The following FABP4 variants were observed in gnomAD, a reference collection of about 807,000 sequenced individuals.
FABP4 encodes the protein fatty acid-binding protein, adipocyte.
Under a neutral mutation model 14.6 loss-of-function variants are expected in FABP4, and 17 were observed. The observed-to-expected ratio is 1.16, with a 90% CI of 0.80 to 1.74. FABP4 has a LOEUF of 1.74. Ranked by LOEUF, FABP4 falls within the 40% of genes most tolerant of loss-of-function variation. The pLI is 0.00. For missense variants in FABP4, 149 were observed against 160.3 expected (o/e 0.93, Z 0.38); for synonymous variants, 54 against 54.6 (o/e 0.99, Z 0.05).
In FABP4 at chr8:81,480,520, G is replaced by C; in HGVS notation, c.152C>G (p.Thr51Ser). 1 of 1,613,780 alleles carries C rather than the reference G, an allele frequency of 6.2e-7. No individual in the cohort carries two copies. The highest frequency in any genetic ancestry group is 8.5e-7 in the Non-Finnish European group (1 of 1,179,836). ...MIISVNGDVI[T>S]IKSESTFKNT... is the part of the protein sequence containing the mutation. ...TTTAAAGGTACTTTCAGATTTAATG[G>C]TGATCACATCCCCATTCACACTGAT... Residue 51 changes from threonine to serine, a missense_variant, in exon 2 of 4, where the codon ACC becomes AGC. Coordinates refer to ENST00000256104, the MANE Select transcript of FABP4 (RefSeq NM_001442.3).
chr8:81,480,579 C>G lies in FABP4; in HGVS notation c.93G>C (p.Arg31Ser), dbSNP rs1420741633. 4.3e-6 allele frequency: 7 copies of G among 1,611,636 alleles called. No homozygotes were observed. The highest frequency in any genetic ancestry group is 5.1e-6 in the Non-Finnish European group (6 of 1,178,962). The change falls in exon 2 of 4, where the codon AGG becomes AGC. Residue 31 changes from arginine (R) to serine (S), a missense_variant. Arg to Ser is a moderately radical substitution (Grantham distance 110). Coordinates refer to ENST00000256104, the MANE Select transcript of FABP4 (RefSeq NM_001442.3). Reference sequence around the variant, plus strand: ...TAGGTTTGGCCATGCCAGCCACTTTCCTGGTGGCAAAGCCCACTCCTACAG... The same window carrying G: ...TAGGTTTGGCCATGCCAGCCACTTTGCTGGTGGCAAAGCCCACTCCTACAG... ...MKEVGVGFAT[R>S]KVAGMAKPNM...
chr8:81,481,740 T>A (rs769787690), intron 1 of FABP4, among the ~76,000 whole-genome samples: 3 of 152,184 alleles, frequency 2.0e-5, no homozygotes, highest in African/African-American at 4.8e-5. Flanking sequence ...TAACATTAAA[T>A]GTATGAAGTG....
chr8:81,483,032 G>A, intron 1 of FABP4, 63 bp downstream of exon 1: 2 of 1,385,348 alleles, frequency 1.4e-6, no homozygotes, highest in Non-Finnish European at 2.0e-6. Flanking sequence ...AAACACAGCT[G>A]TAAACTCTTT....
chr8:81,480,607 A>G lies in FABP4; in HGVS notation c.74-9T>C, dbSNP rs1808063979. The stretch of plus-strand genomic sequence containing the variant: ...GGTGGCAAAGCCCACTCCTACAGTT[A>G]GGAAAAGAAAAGATGTCAGATTTAC... On this transcript the variant is annotated splice_polypyrimidine_tract_variant and intron_variant, in intron 1 of 3. Coordinates refer to ENST00000256104, the MANE Select transcript of FABP4 (RefSeq NM_001442.3). 6.3e-7 allele frequency: 1 copy of G among 1,599,308 alleles called. No homozygotes were observed.
Position 81,479,493 on chromosome 8 carries a change from C to A in FABP4, c.269G>T (p.Gly90Val), listed in dbSNP as rs141169989. The A allele has an allele frequency of 1.7e-5, 27 of 1,612,946 alleles. No homozygotes were observed. Among genetic ancestry groups the A allele is most frequent in the Middle Eastern group, 1.6e-4 (1 of 6,078 alleles). The change falls in exon 3 of 4, where the codon GGT becomes GTT. Residue 90 changes from glycine (G) to valine (V), a missense_variant. By Grantham distance (109) the Gly-to-Val change is moderately radical. Coordinates refer to ENST00000256104, the MANE Select transcript of FABP4 (RefSeq NM_001442.3). Reference sequence around the variant, plus strand: ...CCATTTCTGCACATGTACCAGGACACCCCCATCTAAGGTTATGGTGCTCTG... The same window carrying A: ...CCATTTCTGCACATGTACCAGGACAACCCCATCTAAGGTTATGGTGCTCTG... ...KVKSTITLDG[G>V]VLVHVQKWDG...
At chr8:81,479,729 G>GA in intron 2 of FABP4, 1 of 358,704 alleles carries the variant, frequency 2.8e-6, no homozygotes, top group South Asian at 8.5e-5. Flanking sequence ...TACATAATTG[G>GA]AAAAATTACT....
chr8:81,478,989 G>T (rs983876566), intron 3 of FABP4, 74 bp from the exon 4 acceptor site: 179 of 1,274,748 alleles, frequency 1.4e-4, no homozygotes, highest in Middle Eastern at 1.3e-3. Flanking sequence ...TCTGAATGTT[G>T]GGAATAAAAC....
intron 2 of FABP4, 62 bp downstream of exon 2, chr8:81,480,364 T>G (rs1808058439): frequency 6.9e-7 from 1 of 1,450,378 alleles, no homozygotes. Context: ...TAAAATGATT[T>G]CTTATAGCAG....
At chr8:81,481,993 A>AT (rs1204447139) in intron 1 of FABP4, among the ~76,000 whole-genome samples, 1 of 152,102 alleles carries the variant, frequency 6.6e-6, no homozygotes, top group Non-Finnish European at 1.5e-5. Context: ...AAAGTATAAC[A>AT]TTTTTCTAAA....
At chr8:81,479,325 A>T (rs948953283) in intron 3 of FABP4, 89 bp downstream of exon 3, 9 of 1,064,638 alleles carry the variant, frequency 8.5e-6, no homozygotes, top group Non-Finnish European at 1.3e-5. Context: ...TCAGATAATC[A>T]AAAGGAAAAT....
In FABP4 at chr8:81,479,409, C is replaced by T; in HGVS notation, c.348+5G>A. 2 of 1,608,208 alleles carry T rather than the reference C, an allele frequency of 1.2e-6. No individual in the cohort carries two copies. Among genetic ancestry groups the T allele is most frequent in the South Asian group, 2.2e-5 (2 of 90,888 alleles). ...TCCAGAATTAAGTAGCTAGAAGATA[C>T]TCACCACCACCAGTTTATCATCCTC... On this transcript the variant is annotated splice_donor_5th_base_variant and intron_variant, in intron 3 of 3. Transcript: ENST00000256104.
At chr8:81,479,560 G>A (rs879583072) in intron 2 of FABP4, 45 bp from the exon 3 acceptor site, 77 of 1,444,748 alleles carry the variant, frequency 5.3e-5, no homozygotes, top group Non-Finnish European at 6.9e-5. Context: ...GAGGGAGGCA[G>A]AAAAAAATTT....
chr8:81,479,065 T>C, intron 3 of FABP4, 150 bp from the exon 4 acceptor site: 1 of 688,044 alleles, frequency 1.5e-6, no homozygotes, highest in South Asian at 2.0e-5. Flanking sequence ...TGTAATAAGA[T>C]AGGGAGATAT....
chr8:81,480,698 G>A, intron 1 of FABP4, 100 bp from the exon 2 acceptor site: 4 of 1,051,134 alleles, frequency 3.8e-6, no homozygotes, highest in Non-Finnish European at 5.2e-6. Context: ...TGTGCAGGAG[G>A]AAAAAGGCAC....
At chr8:81,478,954 A>G in intron 3 of FABP4, 39 bp from the exon 4 acceptor site, 1 of 1,525,696 alleles carries the variant, frequency 6.6e-7, no homozygotes, top group Non-Finnish European at 9.1e-7. Flanking sequence ...TCACTGGATT[A>G]AACCATGGAT....
At position 81,479,531 on chromosome 8, in the gene FABP4, A is replaced by G. The variant is rs1254358673; in HGVS notation, c.247-16T>C. 1.3e-6 allele frequency: 2 copies of G among 1,598,794 alleles called. No individual in the cohort carries two copies. The highest frequency in any genetic ancestry group is 1.1e-5 in the South Asian group (1 of 90,212). ...TTATGGTGCTCTGTAGGCATAAGAA[A>G]ATGTAATGACAATGTGCAGAGGGAG... On this transcript the variant is annotated splice_polypyrimidine_tract_variant and intron_variant, in intron 2 of 3. Transcript: ENST00000256104.
In FABP4 at chr8:81,483,178, T is replaced by G. The variant is rs767463142; in HGVS notation, c.-11A>C. 14 of 1,606,232 alleles carry G rather than the reference T, an allele frequency of 8.7e-6. No homozygotes were observed. Among genetic ancestry groups the G allele is most frequent in the Non-Finnish European group, 1.1e-5 (13 of 1,176,470 alleles). The stretch of plus-strand genomic sequence containing the variant: ...AAAAGCATCACACATTTTGTGAGTT[T>G]TCTAGGATTATTCTTCAAGGTGAGA... On this transcript the variant is annotated 5_prime_UTR_variant, in exon 1 of 4. Transcript: ENST00000256104.
chr8:81,481,935 G>T (rs1393408163), intron 1 of FABP4, among the ~76,000 whole-genome samples: 1 of 151,960 alleles, frequency 6.6e-6, no homozygotes, highest in Non-Finnish European at 1.5e-5. Context: ...ATTATAATCA[G>T]CCCTTTATAA....
intron 1 of FABP4, among the ~76,000 whole-genome samples, chr8:81,482,032 G>A (rs1273343626): frequency 6.6e-6 from 1 of 151,930 alleles, no homozygotes; most frequent in African/African-American, 2.4e-5. Flanking sequence ...CCCAAATCCT[G>A]GCTTTTCTGC....
Sources: allele counts gnomAD v4.1 joint callset (sites outside exome capture counted in the v4.1 genomes callset), GRCh38; gene constraint gnomAD v4.1.1; transcripts MANE v1.5; gene names NCBI Gene and HGNC (gene_info 2026-07-23, HGNC 2026-07-21).